The following COLQ variants were observed in gnomAD, a reference collection of about 807,000 sequenced individuals.
COLQ encodes the protein acetylcholinesterase collagenic tail peptide.
Under a neutral mutation model 69.0 loss-of-function variants are expected in COLQ, and 48 were observed. That is an observed-to-expected ratio of 0.70 (90% CI 0.55 to 0.88). The LOEUF (loss-of-function observed/expected upper bound fraction) is 0.88. COLQ is among the 40% of genes least tolerant of loss of function. The pLI, the probability that COLQ is intolerant of heterozygous loss-of-function variation, is 0.00. For missense variants in COLQ, 618 were observed against 594.6 expected (o/e 1.04, Z -0.41); for synonymous variants, 217 against 211.2 (o/e 1.03, Z -0.24).
chr3:15,519,330 C>T (rs1202720866), intron 1 of COLQ, among the ~76,000 whole-genome samples: 1 of 152,234 alleles, frequency 6.6e-6, no homozygotes, highest in East Asian at 1.9e-4. Context: ...TGCCCTCTGG[C>T]TTCAAGTTGG....
In COLQ at chr3:15,473,723, G is replaced by GAAAAGCAA. The variant is rs1205332618; in HGVS notation, c.636+269_636+276dup. ...AGGACCACAGCCCTCTAAGAGGTAG[G>GAAAAGCAA]AAAAGCAAAAAAGCAAAAAAACAAA... On this transcript the variant is annotated intron_variant, in intron 10 of 16. Coordinates refer to ENST00000383788, the MANE Select transcript of COLQ (RefSeq NM_005677.4). The surrounding 1 kb of genome is among the most constrained non-coding windows in gnomAD (Gnocchi z 4.0). Among the ~76,000 whole-genome samples, 1 of 152,000 alleles carries GAAAAGCAA rather than the reference G, an allele frequency of 6.6e-6. No homozygotes were observed. The highest frequency in any genetic ancestry group is 1.5e-5 in the Non-Finnish European group (1 of 67,988).
Position 15,451,343 on chromosome 3 carries a change from G to C in COLQ, c.*301C>G. The C allele has an allele frequency of 1.8e-6, 1 of 546,926 alleles. No homozygotes were observed. Among genetic ancestry groups the C allele is most frequent in the Non-Finnish European group, 3.4e-6 (1 of 296,642 alleles). The allele number at this position is 546,926 out of a possible 1,614,324, so 33.9% of individuals were successfully genotyped here. A position where few individuals can be genotyped will look rare whatever the true frequency, so the allele number is the denominator to read the frequency against. On this transcript the variant is annotated 3_prime_UTR_variant, in exon 17 of 17. Coordinates refer to ENST00000383788, the MANE Select transcript of COLQ (RefSeq NM_005677.4). ...TCAGCCAAGTCCACGGCCTGGGTCA[G>C]CAACATTCCAGAAGAGGAAGAGCAT...
rs2062629371 is a variant in COLQ at position 15,489,590 on chromosome 3, A to G, written c.154T>C (p.Cys52Arg). 5 of 1,614,200 alleles carry G rather than the reference A, an allele frequency of 3.1e-6. No homozygotes were observed. The East Asian group carries it at 1.1e-4, about 36-fold the overall frequency. Residue 52 changes from cysteine to arginine, a missense_variant, in exon 2 of 17, where the codon TGC (cysteine) becomes CGC (arginine). Cys to Arg is a radical substitution (Grantham distance 180). Coordinates refer to ENST00000383788, the MANE Select transcript of COLQ (RefSeq NM_005677.4). ...GGTGGTGGAGGAGGCGTCAGCAGGCAGCATGCTTTGTGGCCACCACGCTTC... is the reference window on the plus strand; with the variant it reads ...GGTGGTGGAGGAGGCGTCAGCAGGCGGCATGCTTTGTGGCCACCACGCTTC... ...QKKRGGHKACCLLTPPPPPLF... is the reference protein window; with the variant it reads ...QKKRGGHKACRLLTPPPPPLF...
rs1004703460 is a variant in COLQ, at chr3:15,451,176, G to C, written c.*468C>G. 4.5e-6 allele frequency: 1 copy of C among 221,128 alleles called. No individual in the cohort carries two copies. The highest frequency in any genetic ancestry group is 9.2e-6 in the Non-Finnish European group (1 of 108,452). The allele number at this position is 221,128 out of a possible 1,614,324, so 13.7% of individuals were successfully genotyped here. A position where few individuals can be genotyped will look rare whatever the true frequency, so the allele number is the denominator to read the frequency against. On this transcript the variant is annotated 3_prime_UTR_variant, in exon 17 of 17. Transcript: ENST00000383788. ...GCTTTGTGGTTCATAGGCCTAGAGA[G>C]ACCCGACAGCGGGCTGCCCAGTGTG...
intron 1 of COLQ, among the ~76,000 whole-genome samples, chr3:15,505,358 C>T (rs2062894414): frequency 6.6e-6 from 1 of 152,174 alleles, no homozygotes. Context: ...AATCAGTCAT[C>T]TCGTGTCGGT....
At chr3:15,451,793 C>T in intron 16 of COLQ, 80 bp from the exon 17 acceptor site, 1 of 1,250,748 alleles carries the variant, frequency 8.0e-7, no homozygotes. Flanking sequence ...CAAACAGCGG[C>T]CAAGGGCCAA....
intron 3 of COLQ, among the ~76,000 whole-genome samples, chr3:15,479,941 A>C (rs1363632080): frequency 6.6e-6 from 1 of 152,210 alleles, no homozygotes; most frequent in African/African-American, 2.4e-5. Context: ...GAATGTTGGC[A>C]AGTAAAGAGT....
At chr3:15,463,305 T>C (rs1355583784) in intron 12 of COLQ, among the ~76,000 whole-genome samples, 1 of 151,760 alleles carries the variant, frequency 6.6e-6, no homozygotes, top group East Asian at 1.9e-4. Context: ...CTCAGTTTTT[T>C]TTGGTTTTGG....
Position 15,451,466 on chromosome 3 carries a change from G to T in COLQ, c.*178C>A, listed in dbSNP as rs1285598003. The T allele has an allele frequency of 8.2e-6, 6 of 735,130 alleles. No individual in the cohort carries two copies. The Admixed American group carries it at 1.1e-4, about 14-fold the overall frequency. 45.5% of individuals were successfully genotyped at this position (735,130 alleles called of 1,614,324 possible). On this transcript the variant is annotated 3_prime_UTR_variant, in exon 17 of 17. Transcript: ENST00000383788. ...GTACCTTGGATTAAGACAGGATGCA[G>T]TGGTCCTAAATTCTTCCAGTCAGAC...
At chr3:15,485,605 C>T (rs1358434727) in intron 3 of COLQ, among the ~76,000 whole-genome samples, 1 of 152,174 alleles carries the variant, frequency 6.6e-6, no homozygotes, top group African/African-American at 2.4e-5. Flanking sequence ...CAGCACATTA[C>T]AATTCTCTGG....
chr3:15,495,258 C>T (rs566239342), intron 1 of COLQ, among the ~76,000 whole-genome samples: 40 of 152,214 alleles, frequency 2.6e-4, no homozygotes, highest in Admixed American at 1.7e-3. Flanking sequence ...CGGAAGGAAC[C>T]GTGGGGCATC....
chr3:15,507,934 C>T (rs1194133769), intron 1 of COLQ, among the ~76,000 whole-genome samples: 1 of 151,710 alleles, frequency 6.6e-6, no homozygotes, highest in East Asian at 1.9e-4. Flanking sequence ...AAATATTTTC[C>T]CTAGTTTGTT....
In COLQ at chr3:15,502,113, ATT is replaced by A. The variant is rs61521157; in HGVS notation, c.107-12478_107-12477del. The stretch of plus-strand genomic sequence containing the variant: ...CTATCTCATCTGCTAACTTGCACTG[ATT>A]TTTTTTTTTTTTTTTTTGAGATGGA... On this transcript the variant is annotated intron_variant, in intron 1 of 16. Transcript: ENST00000383788. 4.5e-3 allele frequency among the ~76,000 whole-genome samples: 579 copies of A among 128,516 alleles called. 4 individuals carry two copies. Among genetic ancestry groups the A allele is most frequent in the African/African-American group, 0.013 (459 of 34,148 alleles). 84.3% of individuals were successfully genotyped at this position (128,516 alleles called of 152,430 possible). A position where few individuals can be genotyped will look rare whatever the true frequency, so the allele number is the denominator to read the frequency against.
chr3:15,494,988 T>C (rs1007376216), intron 1 of COLQ, among the ~76,000 whole-genome samples: 1 of 152,200 alleles, frequency 6.6e-6, no homozygotes, highest in East Asian at 1.9e-4. Context: ...ATCTCCATTT[T>C]ACAGATCCAT....
At chr3:15,493,014 G>A (rs1192367768) in intron 1 of COLQ, among the ~76,000 whole-genome samples, 1 of 152,206 alleles carries the variant, frequency 6.6e-6, no homozygotes, top group Non-Finnish European at 1.5e-5. Flanking sequence ...GTTAACGAGG[G>A]ACTGAAGGAA....
At chr3:15,520,460 G>A (rs2063120762) in intron 1 of COLQ, among the ~76,000 whole-genome samples, 1 of 152,206 alleles carries the variant, frequency 6.6e-6, no homozygotes, top group African/African-American at 2.4e-5. Context: ...ATTCAGAGAT[G>A]TGCCCTCTCT....
chr3:15,507,654 C>A (rs1300503211), intron 1 of COLQ, among the ~76,000 whole-genome samples: 2 of 152,144 alleles, frequency 1.3e-5, no homozygotes, highest in Non-Finnish European at 2.9e-5. Flanking sequence ...TGGGGTTTTG[C>A]CATGTTGGCC....
At chr3:15,466,301 T>A (rs1377409374) in intron 12 of COLQ, 40 bp downstream of exon 12, 1 of 1,455,288 alleles carries the variant, frequency 6.9e-7, no homozygotes, top group Non-Finnish European at 9.7e-7. Context: ...GGCTGGCCAG[T>A]ACTCCAACAG....
intron 11 of COLQ, among the ~76,000 whole-genome samples, chr3:15,470,274 T>G (rs1187471295): frequency 6.6e-6 from 1 of 152,230 alleles, no homozygotes; most frequent in Non-Finnish European, 1.5e-5. Context: ...ACAGACTTAT[T>G]TTTATGAACC....
Sources: gnomAD v4.1 joint callset for allele counts (sites outside exome capture counted in the v4.1 genomes callset) on GRCh38, gnomAD v4.1.1 for gene constraint, Gnocchi (gnomAD v3.1) non-coding constraint, MANE v1.5 for transcripts, NCBI Gene and HGNC (gene_info 2026-07-23, HGNC 2026-07-21) for gene names.